Variants in KYNU observed in about 807,000 individuals in gnomAD.
KYNU encodes L-kynurenine hydrolase.
In KYNU, 54 loss-of-function variants were observed where a neutral mutation model predicts 59.2. The observed-to-expected ratio is 0.91, with a 90% CI of 0.73 to 1.14. The LOEUF (loss-of-function observed/expected upper bound fraction) is 1.14, where lower values mean the gene tolerates loss of function less well. Ranked by LOEUF, KYNU falls within the 50% of genes most tolerant of loss-of-function variation. KYNU has a pLI of 0.00. For missense variants in KYNU, 567 were observed against 554.4 expected (o/e 1.02, Z -0.23); for synonymous variants, 177 against 192.0 (o/e 0.92, Z 0.65).
At chr2:142,939,553 G>A (rs1683510242) in intron 4 of KYNU, among the ~76,000 whole-genome samples, 1 of 132,846 alleles carries the variant, frequency 7.5e-6, no homozygotes, top group Non-Finnish European at 1.5e-5. Context: ...AGTGAGCTGA[G>A]ATTGTGCCAC....
chr2:143,050,115 CATG>C lies in KYNU; in HGVS notation c.*7946_*7948del, dbSNP rs976877463. 2.7e-5 allele frequency: 4 copies of C among 147,740 alleles called. No individual in the cohort carries two copies. Among genetic ancestry groups the C allele is most frequent in the Non-Finnish European group, 6.0e-5 (4 of 67,118 alleles). 9.2% of individuals were successfully genotyped at this position (147,740 alleles called of 1,614,324 possible). A position where few individuals can be genotyped will look rare whatever the true frequency, so the allele number is the denominator to read the frequency against. The stretch of plus-strand genomic sequence containing the variant: ...TTATGTAAAATCTATTTTATGTAAA[CATG>C]ATAATTAAATATATATTTAAATAAT... On this transcript the variant is annotated 3_prime_UTR_variant, in exon 14 of 14. Coordinates refer to ENST00000264170, the MANE Select transcript of KYNU (RefSeq NM_003937.3).
intron 4 of KYNU, among the ~76,000 whole-genome samples, chr2:142,953,811 A>G (rs1242745018): frequency 6.6e-6 from 1 of 152,180 alleles, no homozygotes; most frequent in East Asian, 1.9e-4. Flanking sequence ...CCTTCCTTAA[A>G]TGGCTATGTT....
chr2:143,022,246 A>T (rs1686431734), intron 10 of KYNU, among the ~76,000 whole-genome samples: 1 of 152,126 alleles, frequency 6.6e-6, no homozygotes, highest in South Asian at 2.1e-4. Context: ...AAACTTAAGA[A>T]TAAGAATGTC....
intron 10 of KYNU, among the ~76,000 whole-genome samples, chr2:143,021,976 G>C (rs979475159): frequency 2.0e-5 from 3 of 152,004 alleles, no homozygotes; most frequent in Non-Finnish European, 2.9e-5. Context: ...TTAGATTTCA[G>C]ATATTTATTT....
chr2:142,881,502 G>C (rs1223850398), intron 1 of KYNU: 4 of 152,194 alleles, frequency 2.6e-5, no homozygotes, highest in African/African-American at 9.6e-5. Context: ...CAAACACTGT[G>C]TGTGTTAGTT....
rs146447539 is a variant in KYNU at position 142,879,265 on chromosome 2, C to T, written c.-20+1529C>T. Among the ~76,000 whole-genome samples the T allele has an allele frequency of 3.2e-3, 493 of 152,220 alleles. 2 individuals are homozygous for T. The highest frequency in any genetic ancestry group is 0.011 in the African/African-American group (466 of 41,528). ...ACTAAAGACTATATTTGAGACCATG[C>T]GAAGTTGTGCAAGTGGTGGAGTAGG... On this transcript the variant is annotated intron_variant, in intron 1 of 13. Transcript: ENST00000264170.
At chr2:142,898,868 C>G (rs1407987755) in intron 2 of KYNU, among the ~76,000 whole-genome samples, 1 of 152,162 alleles carries the variant, frequency 6.6e-6, no homozygotes, top group African/African-American at 2.4e-5. Context: ...CCATGGAACC[C>G]AGCGACTAGT....
chr2:143,024,102 C>G (rs1210793378), intron 10 of KYNU, among the ~76,000 whole-genome samples: 1 of 151,226 alleles, frequency 6.6e-6, no homozygotes, highest in Non-Finnish European at 1.5e-5. Context: ...AAATGGAATT[C>G]AGACCAAAAA....
intron 4 of KYNU, among the ~76,000 whole-genome samples, chr2:142,937,716 G>A (rs1316849721): frequency 6.6e-6 from 1 of 152,182 alleles, no homozygotes; most frequent in Non-Finnish European, 1.5e-5. Context: ...ATTTAACATG[G>A]TTTGAACAGT....
chr2:142,919,841 A>G (rs989548121), intron 3 of KYNU, among the ~76,000 whole-genome samples: 2 of 152,140 alleles, frequency 1.3e-5, no homozygotes, highest in Non-Finnish European at 2.9e-5. Context: ...GGAAGCTGAC[A>G]TGGATGGATC....
chr2:142,902,320 T>C (rs1682125814), intron 2 of KYNU, among the ~76,000 whole-genome samples: 1 of 152,202 alleles, frequency 6.6e-6, no homozygotes. Flanking sequence ...TGAAGAAAAG[T>C]CTTGCCCCGT....
At chr2:142,896,922 G>A (rs928480318) in intron 2 of KYNU, among the ~76,000 whole-genome samples, 13 of 152,094 alleles carry the variant, frequency 8.5e-5, no homozygotes, top group Admixed American at 7.9e-4. Flanking sequence ...TAACTTTGAG[G>A]ATGCACAGTA....
chr2:142,955,600 C>T (rs928551259), intron 5 of KYNU, among the ~76,000 whole-genome samples: 1 of 151,972 alleles, frequency 6.6e-6, no homozygotes, highest in Admixed American at 6.6e-5. Context: ...AAATGAGAAA[C>T]ATAATATCTA....
Position 143,049,435 on chromosome 2 carries a change from G to A in KYNU, c.*7263G>A, listed in dbSNP as rs866167144. ...TTGGGGTCAGGCCACACACTATAAAGGATTGGAAAAAAAAATGAAAATATG... is the reference window on the plus strand; with the variant it reads ...TTGGGGTCAGGCCACACACTATAAAAGATTGGAAAAAAAAATGAAAATATG... On this transcript the variant is annotated 3_prime_UTR_variant, in exon 14 of 14. Transcript: ENST00000264170. The A allele has an allele frequency of 1.2e-4, 18 of 151,756 alleles. No individual in the cohort carries two copies. Among genetic ancestry groups the A allele is most frequent in the African/African-American group, 4.4e-4 (18 of 41,304 alleles). The allele number at this position is 151,756 out of a possible 1,614,324, so 9.4% of individuals were successfully genotyped here.
At chr2:143,039,549 G>T (rs1180360852) in intron 12 of KYNU, among the ~76,000 whole-genome samples, 1 of 151,958 alleles carries the variant, frequency 6.6e-6, no homozygotes, top group Non-Finnish European at 1.5e-5. Flanking sequence ...CCAAATTGAG[G>T]GTTGGGCTGC....
intron 8 of KYNU, among the ~76,000 whole-genome samples, chr2:142,961,207 G>A (rs915317314): frequency 8.2e-5 from 12 of 146,946 alleles, no homozygotes; most frequent in Admixed American, 2.0e-4. Context: ...AAAAAAAAGC[G>A]AGTAAATCTT....
chr2:142,924,214 C>T (rs146396883), intron 3 of KYNU, among the ~76,000 whole-genome samples: 1 of 152,130 alleles, frequency 6.6e-6, no homozygotes, highest in East Asian at 1.9e-4. Flanking sequence ...AGGCTATCCT[C>T]CCACCTCAGT....
intron 2 of KYNU, among the ~76,000 whole-genome samples, chr2:142,898,444 A>C (rs939714793): frequency 6.8e-6 from 1 of 146,796 alleles, no homozygotes; most frequent in Non-Finnish European, 1.5e-5. Flanking sequence ...TATGAAGGGT[A>C]GGAAGTTGTA....
Position 142,884,064 on chromosome 2 carries a change from T to A in KYNU, c.-19-1285T>A, listed in dbSNP as rs554487533. Among the ~76,000 whole-genome samples the A allele has an allele frequency of 1.8e-3, 275 of 152,308 alleles. 1 individual carries two copies. The highest frequency in any genetic ancestry group is 6.3e-3 in the African/African-American group (262 of 41,570). On this transcript the variant is annotated intron_variant, in intron 1 of 13. Coordinates refer to ENST00000264170, the MANE Select transcript of KYNU (RefSeq NM_003937.3). The stretch of plus-strand genomic sequence containing the variant: ...GAGGAGAAATATAAACAAACAAGCT[T>A]GGGTGAAGTTTAAAACGTATGTGAT...
Sources: gnomAD v4.1 joint callset for allele counts (sites outside exome capture counted in the v4.1 genomes callset) on GRCh38, gnomAD v4.1.1 for gene constraint, MANE v1.5 for transcripts, NCBI Gene and HGNC (gene_info 2026-07-23, HGNC 2026-07-21) for gene names.